The following KLRF1 variants were observed in gnomAD, a reference collection of about 807,000 sequenced individuals.
KLRF1 encodes the protein killer cell lectin-like receptor subfamily F member 1.
KLRF1 carries 27 observed loss-of-function variants against 30.7 expected under a neutral mutation model. The ratio of observed to expected loss-of-function variants is 0.88; its 90% CI spans 0.65 to 1.21. The LOEUF is 1.21. KLRF1 is among the 50% of genes most tolerant of loss of function. The pLI, the probability that KLRF1 is intolerant of heterozygous loss-of-function variation, is 0.00. For synonymous variants in KLRF1, 92 were observed against 89.3 expected (o/e 1.03, Z -0.17); for missense variants, 246 against 259.3 (o/e 0.95, Z 0.35).
intron 1 of KLRF1, 117 bp from the exon 2 acceptor site, chr12:9,832,199 C>T (rs1867444248): frequency 1.8e-6 from 1 of 554,934 alleles, no homozygotes; most frequent in Non-Finnish European, 3.2e-6. Flanking sequence ...CTTTTGATTG[C>T]CTAATATCTT....
chr12:9,829,192 C>A (rs751989046), intron 1 of KLRF1, among the ~76,000 whole-genome samples: 56 of 152,098 alleles, frequency 3.7e-4, no homozygotes, highest in Non-Finnish European at 5.6e-4. Context: ...GTAGTAGTTT[C>A]AGAATCACTA....
Position 9,829,346 on chromosome 12 carries a change from A to T in KLRF1, c.85+1717A>T, listed in dbSNP as rs757618178. Among the ~76,000 whole-genome samples, 75 of 152,342 alleles carry T rather than the reference A, an allele frequency of 4.9e-4. No homozygotes were observed. In the South Asian group the frequency reaches 0.015, roughly 31 times the overall value. On this transcript the variant is annotated intron_variant, in intron 1 of 5. Transcript: ENST00000617889. The stretch of plus-strand genomic sequence containing the variant: ...AGTAATTCCTCTCTCTATAGTGAAG[A>T]CACTAACAATACCTAGTTAGATTCC...
the KLRF1 span, among the ~76,000 whole-genome samples, chr12:9,806,804 C>T: frequency 6.6e-6 from 1 of 152,030 alleles, no homozygotes; most frequent in African/African-American, 2.4e-5. Context: ...CTTTAGCCTT[C>T]TTAGTAGCTG....
chr12:9,806,022 A>G, the KLRF1 span, among the ~76,000 whole-genome samples: 1 of 151,552 alleles, frequency 6.6e-6, no homozygotes, highest in East Asian at 1.9e-4. Flanking sequence ...TATTTCATTT[A>G]TTTATACTGT....
chr12:9,823,929 C>G (rs1186267616), upstream of KLRF1, among the ~76,000 whole-genome samples: 5 of 152,024 alleles, frequency 3.3e-5, no homozygotes, highest in Non-Finnish European at 5.9e-5. Flanking sequence ...AACACCGAAC[C>G]AGGGGGAAAT....
Position 9,844,725 on chromosome 12 carries a change from TACGTGATAGTATAA to T in KLRF1, c.*202_*215del, listed in dbSNP as rs1205836299. ...ACTAAAATGTACACTTCAAAATTTT[TACGTGATAGTATAA>T]ACCAATGTGACTTCATGTGATCATA... On this transcript the variant is annotated 3_prime_UTR_variant, in exon 6 of 6. Transcript: ENST00000617889. 2.0e-5 allele frequency: 8 copies of T among 407,184 alleles called. 1 individual carries two copies. Among genetic ancestry groups the T allele is most frequent in the African/African-American group, 1.2e-4 (6 of 49,316 alleles). The allele number at this position is 407,184 out of a possible 1,614,324, so 25.2% of individuals were successfully genotyped here. A position where few individuals can be genotyped will look rare whatever the true frequency, so the allele number is the denominator to read the frequency against.
At chr12:9,821,885 A>C in the KLRF1 span, among the ~76,000 whole-genome samples, 1 of 152,242 alleles carries the variant, frequency 6.6e-6, no homozygotes, top group Admixed American at 6.5e-5. Context: ...CACATCCCAA[A>C]GCTTTAATAC....
At chr12:9,841,534 A>G (rs1394917779) in intron 3 of KLRF1, among the ~76,000 whole-genome samples, 1 of 152,008 alleles carries the variant, frequency 6.6e-6, no homozygotes, top group Non-Finnish European at 1.5e-5. Context: ...TCAAATAGCT[A>G]TTTTATTTTG....
intron 3 of KLRF1, among the ~76,000 whole-genome samples, chr12:9,835,808 G>A (rs989907232): frequency 6.6e-6 from 1 of 152,066 alleles, no homozygotes; most frequent in Admixed American, 6.6e-5. Flanking sequence ...TTTGTGTTGT[G>A]AGAGGTCCAA....
At chr12:9,840,390 C>T (rs974579650) in intron 3 of KLRF1, among the ~76,000 whole-genome samples, 2 of 151,916 alleles carry the variant, frequency 1.3e-5, no homozygotes, top group Non-Finnish European at 2.9e-5. Flanking sequence ...TAAAAAGAGA[C>T]AGATTGTAAT....
At chr12:9,824,661 G>A (rs762449400), upstream of KLRF1, among the ~76,000 whole-genome samples, 18 of 152,296 alleles carry the variant, frequency 1.2e-4, no homozygotes, top group African/African-American at 4.3e-4. Context: ...AATAGGAAGA[G>A]AGGACGTAAA....
chr12:9,810,456 A>G, the KLRF1 span, among the ~76,000 whole-genome samples: 1 of 152,178 alleles, frequency 6.6e-6, no homozygotes, highest in East Asian at 1.9e-4. Context: ...ATATGCTTAA[A>G]TTTTCACCTA....
At chr12:9,831,826 T>A (rs1867434223) in intron 1 of KLRF1, among the ~76,000 whole-genome samples, 1 of 152,146 alleles carries the variant, frequency 6.6e-6, no homozygotes, top group Non-Finnish European at 1.5e-5. Context: ...TACAAAGGAT[T>A]TTAGGGTTTT....
At chr12:9,828,644 C>G (rs74062772) in intron 1 of KLRF1, among the ~76,000 whole-genome samples, 4,252 of 152,188 alleles carry the variant, frequency 0.028, 83 homozygotes, top group Non-Finnish European at 0.039. Flanking sequence ...AATAACTTCA[C>G]CCATGAAAAT....
the KLRF1 span, among the ~76,000 whole-genome samples, chr12:9,801,467 G>A: frequency 1.3e-5 from 2 of 152,000 alleles, no homozygotes; most frequent in African/African-American, 2.4e-5. Flanking sequence ...CCCACCAAGA[G>A]TGTAAAAGCA....
upstream of KLRF1, among the ~76,000 whole-genome samples, chr12:9,825,465 A>G (rs186818069): frequency 4.6e-5 from 7 of 152,300 alleles, no homozygotes; most frequent in African/African-American, 1.7e-4. Context: ...CACATGCTGA[A>G]GATTGAAAGT....
chr12:9,808,213 C>T, the KLRF1 span, among the ~76,000 whole-genome samples: 1 of 152,048 alleles, frequency 6.6e-6, no homozygotes, highest in Admixed American at 6.5e-5. Flanking sequence ...CATGTAATCA[C>T]CATTCTGATA....
At chr12:9,807,072 T>C in the KLRF1 span, among the ~76,000 whole-genome samples, 1 of 152,138 alleles carries the variant, frequency 6.6e-6, no homozygotes, top group Non-Finnish European at 1.5e-5. Flanking sequence ...ATTTTTTTAG[T>C]ACACTTTTCA....
upstream of KLRF1, chr12:9,827,401 A>C (rs1867304156): frequency 2.4e-6 from 1 of 420,488 alleles, no homozygotes; most frequent in Non-Finnish European, 4.2e-6. Context: ...AATAAGTGAA[A>C]CTGTGAACCC....
Sources: gnomAD v4.1 joint callset for allele counts (sites outside exome capture counted in the v4.1 genomes callset) on GRCh38, gnomAD v4.1.1 for gene constraint, MANE v1.5 for transcripts, NCBI Gene and HGNC (gene_info 2026-07-23, HGNC 2026-07-21) for gene names.